The following TRHDE variants were observed in gnomAD, a reference collection of about 807,000 sequenced individuals.
TRHDE encodes thyrotropin releasing hormone degrading enzyme, also known as thyrotropin-releasing hormone-degrading ectoenzyme.
Under a neutral mutation model 125.7 loss-of-function variants are expected in TRHDE, and 72 were observed. The observed-to-expected ratio is 0.57, with a 90% CI of 0.47 to 0.70. TRHDE has a LOEUF of 0.70. Among genes scored for constraint, TRHDE ranks in the 30% least tolerant of loss-of-function variants. The pLI, the probability that TRHDE is intolerant of heterozygous loss-of-function variation, is 0.00. For missense variants in TRHDE, 1,110 were observed against 1,327.1 expected, an observed-to-expected ratio of 0.84 and a Z score of 2.54; for synonymous variants, 509 against 509.1, an observed-to-expected ratio of 1.00 and a Z score of 0.00.
chr12:72,574,121 C>T (rs372260335), intron 10 of TRHDE, among the ~76,000 whole-genome samples: 15 of 152,106 alleles, frequency 9.9e-5, no homozygotes, highest in East Asian at 5.8e-4. Context: ...CTGGTATAAA[C>T]TCTTCTTGTG....
At position 72,184,134 on chromosome 12, in the gene TRHDE, GTTTTT is replaced by G. The variant is rs975335945; in HGVS notation, n.279+78386_279+78390del. On this transcript the variant is annotated intron_variant and non_coding_transcript_variant, in intron 2 of 4. Coordinates refer to the TRHDE transcript ENST00000548156. ...GCCACTCGTTCATCATGAATTTTTA[GTTTTT>G]TTTATTTTTATTTATTCATGAAATA... is the stretch of plus-strand genomic sequence containing the variant. 2.6e-5 allele frequency among the ~76,000 whole-genome samples: 4 copies of G among 151,958 alleles called. No individual in the cohort carries two copies. In the East Asian group the frequency reaches 7.7e-4, roughly 29 times the overall value.
chr12:72,236,798 C>A (rs752053727), intron 2 of TRHDE, among the ~76,000 whole-genome samples: 2 of 151,936 alleles, frequency 1.3e-5, no homozygotes, highest in Non-Finnish European at 2.9e-5. Context: ...GTGGATGAGA[C>A]TTTTTTTTCT....
At chr12:72,306,746 TGA>T (rs1868347261) in intron 2 of TRHDE, 1 of 151,770 alleles carries the variant, frequency 6.6e-6, no homozygotes, top group Non-Finnish European at 1.5e-5. Flanking sequence ...TCCAGTGGGG[TGA>T]GTTTGACAAA....
chr12:72,196,027 A>G (rs1188945730), intron 2 of TRHDE, among the ~76,000 whole-genome samples: 2 of 152,256 alleles, frequency 1.3e-5, no homozygotes, highest in Admixed American at 6.5e-5. Flanking sequence ...CAAGGATCAG[A>G]TGGCTGTAGG....
In TRHDE at chr12:72,489,880, A is replaced by T. The variant is rs1324572597; in HGVS notation, c.1585-9618A>T. ...AGACCTAAATGTAAGAACTGGAACTATAACACTTTTAGATGAGAACATAGG... is the reference window on the plus strand; with the variant it reads ...AGACCTAAATGTAAGAACTGGAACTTTAACACTTTTAGATGAGAACATAGG... On this transcript the variant is annotated intron_variant, in intron 5 of 18. Transcript: ENST00000261180. Among the ~76,000 whole-genome samples the T allele has an allele frequency of 2.0e-5, 3 of 152,078 alleles. No individual in the cohort carries two copies. The South Asian group carries it at 6.2e-4, about 31-fold the overall frequency.
At chr12:72,573,261 G>A (rs1365713952) in intron 10 of TRHDE, among the ~76,000 whole-genome samples, 1 of 151,612 alleles carries the variant, frequency 6.6e-6, no homozygotes, top group Non-Finnish European at 1.5e-5. Flanking sequence ...TTTAAAGAAT[G>A]GTATTTTCTC....
At chr12:72,322,312 G>A (rs1476091891) in intron 2 of TRHDE, among the ~76,000 whole-genome samples, 1 of 151,964 alleles carries the variant, frequency 6.6e-6, no homozygotes, top group Non-Finnish European at 1.5e-5. Flanking sequence ...CTTTCTCATG[G>A]TGATTATTTA....
chr12:72,223,974 C>T lies in TRHDE; in HGVS notation n.279+118222C>T, dbSNP rs538649085. ...TATCCCTTGGGGTATTGAGGCCAGA[C>T]GTAAAGGACGGGTGAAGGAGAAATG... On this transcript the variant is annotated intron_variant and non_coding_transcript_variant, in intron 2 of 4. Coordinates refer to the TRHDE transcript ENST00000548156. Among the ~76,000 whole-genome samples, 15 of 151,776 alleles carry T rather than the reference C, an allele frequency of 9.9e-5. 1 individual carries two copies. Among genetic ancestry groups the T allele is most frequent in the Middle Eastern group, 3.4e-3 (1 of 294 alleles).
intron 3 of TRHDE, among the ~76,000 whole-genome samples, chr12:72,424,887 T>C (rs1001594147): frequency 6.6e-6 from 1 of 152,110 alleles, no homozygotes; most frequent in African/African-American, 2.4e-5. Context: ...ATAATTCCTT[T>C]GTCATAGTGT....
At chr12:72,362,934 T>C (rs1050309518) in intron 2 of TRHDE, among the ~76,000 whole-genome samples, 51 of 152,222 alleles carry the variant, frequency 3.4e-4, no homozygotes, top group Non-Finnish European at 2.1e-4. Flanking sequence ...ATCTCTGTTT[T>C]GGTACCAGTA....
At chr12:72,614,331 T>TA (rs1448155527) in intron 12 of TRHDE, among the ~76,000 whole-genome samples, 78 of 48,582 alleles carry the variant, frequency 1.6e-3, no homozygotes, top group Non-Finnish European at 2.1e-3. Flanking sequence ...TATATATATA[T>TA]TTTTTTTTTC....
chr12:72,479,577 T>C (rs1200719319), intron 5 of TRHDE, among the ~76,000 whole-genome samples: 2 of 152,052 alleles, frequency 1.3e-5, no homozygotes, highest in Admixed American at 6.6e-5. Context: ...CTTTCCTATA[T>C]GAATTTTTAA....
In TRHDE at chr12:72,564,574, T is replaced by C. The variant is rs552825937; in HGVS notation, c.2042+1534T>C. On this transcript the variant is annotated intron_variant, in intron 9 of 18. Coordinates refer to ENST00000261180, the MANE Select transcript of TRHDE (RefSeq NM_013381.3). ...TCTGATTCTTTAAAGGAAGAATTTC[T>C]CCAAGGCTGTATAAGCATATGTAAC... Among the ~76,000 whole-genome samples the C allele has an allele frequency of 4.6e-5, 7 of 151,114 alleles. No individual in the cohort carries two copies. The East Asian group carries it at 1.4e-3, about 29-fold the overall frequency.
chr12:72,238,065 T>C (rs775839870), intron 2 of TRHDE, among the ~76,000 whole-genome samples: 11 of 151,588 alleles, frequency 7.3e-5, no homozygotes, highest in African/African-American at 2.4e-4. Context: ...GGCATTGACA[T>C]TGAATGAAAT....
chr12:72,501,642 A>G (rs1213271533), intron 6 of TRHDE, among the ~76,000 whole-genome samples: 2 of 152,114 alleles, frequency 1.3e-5, no homozygotes, highest in East Asian at 1.9e-4. Context: ...GGATATTAGT[A>G]TGTAATTTTC....
At chr12:72,326,546 T>C (rs1869349367) in intron 2 of TRHDE, among the ~76,000 whole-genome samples, 2 of 152,114 alleles carry the variant, frequency 1.3e-5, no homozygotes, top group Non-Finnish European at 2.9e-5. Context: ...TGCACATGTA[T>C]CCCAGAACTT....
At chr12:72,517,663 T>C (rs1003473694) in intron 6 of TRHDE, among the ~76,000 whole-genome samples, 35 of 152,128 alleles carry the variant, frequency 2.3e-4, no homozygotes, top group Non-Finnish European at 1.5e-4. Context: ...GCTCTGATTT[T>C]AGTTATTTCT....
intron 3 of TRHDE, among the ~76,000 whole-genome samples, chr12:72,451,156 G>C (rs891084221): frequency 1.3e-5 from 2 of 151,912 alleles, no homozygotes; most frequent in East Asian, 3.9e-4. Context: ...TTTGCTTTTT[G>C]TTGCCTGTGC....
At chr12:72,571,915 A>G (rs1484078654) in intron 10 of TRHDE, among the ~76,000 whole-genome samples, 1 of 151,058 alleles carries the variant, frequency 6.6e-6, no homozygotes, top group Non-Finnish European at 1.5e-5. Context: ...TTGATTACGT[A>G]AAGAGGTGGC....
Sources: gnomAD v4.1 joint callset for allele counts (sites outside exome capture counted in the v4.1 genomes callset) on GRCh38, gnomAD v4.1.1 for gene constraint, MANE v1.5 for transcripts, NCBI Gene and HGNC (gene_info 2026-07-23, HGNC 2026-07-21) for gene names.